The following PAFAH1B1 variants were observed in gnomAD, a reference collection of about 807,000 sequenced individuals.
PAFAH1B1 encodes the protein platelet-activating factor acetylhydrolase IB subunit beta.
A neutral mutation model predicts 57.5 loss-of-function variants in PAFAH1B1; 2 were observed. That is an observed-to-expected ratio of 0.03 (90% CI 0.01 to 0.11). The LOEUF is 0.11. PAFAH1B1 is among the 10% of genes least tolerant of loss of function. The pLI is 1.00. For missense variants in PAFAH1B1, 257 were observed against 512.0 expected (o/e 0.50, Z 4.81); for synonymous variants, 152 against 169.6 (o/e 0.90, Z 0.81).
chr17:2,678,566 C>T (rs928538217), intron 9 of PAFAH1B1, among the ~76,000 whole-genome samples: 7 of 150,932 alleles, frequency 4.6e-5, no homozygotes, highest in Admixed American at 4.0e-4. Flanking sequence ...ACTCTGTCTC[C>T]AGGAAAAAAA....
intron 2 of PAFAH1B1, among the ~76,000 whole-genome samples, chr17:2,663,881 G>C (rs1449268912): frequency 2.0e-5 from 3 of 152,014 alleles, no homozygotes; most frequent in Non-Finnish European, 4.4e-5. Flanking sequence ...TTTTAGTAGA[G>C]ATGGAGTTTC....
intron 2 of PAFAH1B1, among the ~76,000 whole-genome samples, chr17:2,657,244 A>AT (rs1201004101): frequency 3.3e-5 from 5 of 152,000 alleles, no homozygotes; most frequent in African/African-American, 1.2e-4. Context: ...AGAATGTTGA[A>AT]TTTGTTTCTG....
chr17:2,665,551 T>C, intron 3 of PAFAH1B1, 95 bp downstream of exon 3: 3 of 770,596 alleles, frequency 3.9e-6, no homozygotes, highest in South Asian at 2.9e-5. Context: ...TTGTCATTTG[T>C]TATTGTGGTC....
intron 1 of PAFAH1B1, among the ~76,000 whole-genome samples, chr17:2,611,566 C>T (rs1485049075): frequency 1.3e-5 from 2 of 152,146 alleles, no homozygotes; most frequent in African/African-American, 2.4e-5. Flanking sequence ...GCAGAAGACC[C>T]GTGAATCAGG....
intron 1 of PAFAH1B1, among the ~76,000 whole-genome samples, chr17:2,623,691 G>T (rs1002244264): frequency 6.7e-6 from 1 of 149,460 alleles, no homozygotes; most frequent in Non-Finnish European, 1.5e-5. Flanking sequence ...GCAGTGGTGC[G>T]ATCTCTGCTC....
chr17:2,624,006 C>A (rs926767348), intron 1 of PAFAH1B1, among the ~76,000 whole-genome samples: 1 of 152,166 alleles, frequency 6.6e-6, no homozygotes, highest in Non-Finnish European at 1.5e-5. Flanking sequence ...TGCTTTACTG[C>A]TTAGAAATTT....
At chr17:2,650,524 A>T (rs979197307) in intron 2 of PAFAH1B1, among the ~76,000 whole-genome samples, 3 of 150,370 alleles carry the variant, frequency 2.0e-5, no homozygotes, top group Non-Finnish European at 4.4e-5. Context: ...AAAAAAAAAA[A>T]AATACAGGGA....
At chr17:2,667,681 A>C (rs2069125396) in intron 5 of PAFAH1B1, among the ~76,000 whole-genome samples, 1 of 151,986 alleles carries the variant, frequency 6.6e-6, no homozygotes, top group Non-Finnish European at 1.5e-5. Context: ...GTGAATCTAT[A>C]CTGCAAAAGA....
chr17:2,614,511 G>A (rs1343469737), intron 1 of PAFAH1B1, among the ~76,000 whole-genome samples: 1 of 152,166 alleles, frequency 6.6e-6, no homozygotes, highest in African/African-American at 2.4e-5. Context: ...GAATGTGTCT[G>A]TATTACAACA....
At chr17:2,639,109 A>G (rs1360028217) in intron 2 of PAFAH1B1, among the ~76,000 whole-genome samples, 3 of 151,562 alleles carry the variant, frequency 2.0e-5, no homozygotes, top group Non-Finnish European at 4.4e-5. Context: ...CGTGTTAGCC[A>G]GGATGGTCTC....
intron 1 of PAFAH1B1, among the ~76,000 whole-genome samples, chr17:2,607,850 C>A (rs963980902): frequency 6.6e-6 from 1 of 152,060 alleles, no homozygotes; most frequent in African/African-American, 2.4e-5. Flanking sequence ...TAAAGTTTCT[C>A]CTAAATGTTG....
In PAFAH1B1 at chr17:2,662,378, TTGTGTGTG is replaced by T. The variant is rs57918293; in HGVS notation, c.33-2955_33-2948del. On this transcript the variant is annotated intron_variant, in intron 2 of 10. Transcript: ENST00000397195. ...AACCATTTTTATTTTTTTAACCTCT[TTGTGTGTG>T]TGTGTGTGTGTGTGTGTGTGTGTGT... 8.0e-3 allele frequency among the ~76,000 whole-genome samples: 996 copies of T among 123,766 alleles called. 13 individuals are homozygous for T. Among genetic ancestry groups the T allele is most frequent in the African/African-American group, 0.023 (733 of 31,926 alleles). 81.2% of individuals were successfully genotyped at this position (123,766 alleles called of 152,430 possible).
chr17:2,655,984 C>T (rs1368132039), intron 2 of PAFAH1B1, among the ~76,000 whole-genome samples: 2 of 152,026 alleles, frequency 1.3e-5, no homozygotes, highest in Admixed American at 6.6e-5. Context: ...AGTGCAGTGG[C>T]ACGATCTCGG....
chr17:2,641,166 G>A (rs2068690176), intron 2 of PAFAH1B1: 1 of 151,020 alleles, frequency 6.6e-6, no homozygotes, highest in Admixed American at 6.6e-5. Flanking sequence ...TTGTTTTTTT[G>A]GGAGATGGAG....
chr17:2,655,439 C>T (rs755612513), intron 2 of PAFAH1B1, among the ~76,000 whole-genome samples: 2 of 151,986 alleles, frequency 1.3e-5, no homozygotes, highest in African/African-American at 4.8e-5. Flanking sequence ...CTTGGGAGGC[C>T]GAAGCAGGTG....
intron 1 of PAFAH1B1, among the ~76,000 whole-genome samples, chr17:2,620,843 C>T (rs1382454079): frequency 6.6e-6 from 1 of 152,100 alleles, no homozygotes; most frequent in Non-Finnish European, 1.5e-5. Flanking sequence ...GCCTGGGTGA[C>T]AAGAGCAAAA....
intron 1 of PAFAH1B1, among the ~76,000 whole-genome samples, chr17:2,624,370 T>TA (rs2068462450): frequency 6.6e-6 from 1 of 152,212 alleles, no homozygotes; most frequent in Admixed American, 6.5e-5. Flanking sequence ...GTTCTACTGT[T>TA]ACCAGTTTAC....
chr17:2,644,377 A>T (rs7212585), intron 2 of PAFAH1B1, among the ~76,000 whole-genome samples: 4,624 of 152,120 alleles, frequency 0.03, 101 homozygotes, highest in Non-Finnish European at 0.047. Context: ...CCCCATCTCT[A>T]CTAAAAATAC....
chr17:2,602,557 C>T (rs569028618), intron 1 of PAFAH1B1, among the ~76,000 whole-genome samples: 2 of 152,266 alleles, frequency 1.3e-5, no homozygotes, highest in South Asian at 4.1e-4. Context: ...ACCATTACTA[C>T]TACTACCATC....
Sources: allele counts gnomAD v4.1 joint callset (sites outside exome capture counted in the v4.1 genomes callset), GRCh38; gene constraint gnomAD v4.1.1; transcripts MANE v1.5; gene names NCBI Gene and HGNC (gene_info 2026-07-23, HGNC 2026-07-21).